The following RALYL variants were observed in gnomAD, a reference collection of about 807,000 sequenced individuals.
RALYL encodes RNA-binding Raly-like protein.
Under a neutral mutation model 35.1 loss-of-function variants are expected in RALYL, and 29 were observed. The ratio of observed to expected loss-of-function variants is 0.83; its 90% confidence interval spans 0.61 to 1.13. The LOEUF is 1.13. RALYL is among the 50% of genes most tolerant of loss of function. RALYL has a pLI of 0.00. For synonymous variants in RALYL, 120 were observed against 127.6 expected (o/e 0.94, Z 0.40); for missense variants, 359 against 360.4 (o/e 1.00, Z 0.03).
intron 1 of RALYL, among the ~76,000 whole-genome samples, chr8:84,384,509 A>G (rs938991846): frequency 6.6e-6 from 1 of 151,768 alleles, no homozygotes; most frequent in African/African-American, 2.4e-5. Flanking sequence ...TGAACTCTGG[A>G]TAAAGAATAA....
At chr8:84,888,874 C>T (rs1016675561) in intron 8 of RALYL, among the ~76,000 whole-genome samples, 1 of 152,218 alleles carries the variant, frequency 6.6e-6, no homozygotes, top group African/African-American at 2.4e-5. Flanking sequence ...CTCAGCCTCC[C>T]GAGTAGCTGG....
chr8:84,712,282 TA>T (rs2132488339), intron 2 of RALYL, among the ~76,000 whole-genome samples: 1 of 152,284 alleles, frequency 6.6e-6, no homozygotes, highest in Non-Finnish European at 1.5e-5. Flanking sequence ...AATGGGACTA[TA>T]AATGCCAGTT....
At chr8:84,803,101 G>A (rs557823137) in intron 3 of RALYL, among the ~76,000 whole-genome samples, 9 of 152,316 alleles carry the variant, frequency 5.9e-5, no homozygotes, top group East Asian at 5.8e-4. Context: ...AACATAGGAA[G>A]CTGGAGAGTA....
chr8:84,636,494 C>T (rs1031902122), intron 2 of RALYL, among the ~76,000 whole-genome samples: 2 of 151,686 alleles, frequency 1.3e-5, no homozygotes, highest in African/African-American at 2.4e-5. Flanking sequence ...AGTAGCTCTC[C>T]CCTTATTACA....
intron 2 of RALYL, among the ~76,000 whole-genome samples, chr8:84,617,785 G>T (rs1435398265): frequency 2.0e-5 from 3 of 151,508 alleles, no homozygotes; most frequent in Non-Finnish European, 4.4e-5. Flanking sequence ...CTAATTTATT[G>T]AGAGTTTTTA....
At chr8:84,862,743 G>C (rs1028374521) in intron 6 of RALYL, among the ~76,000 whole-genome samples, 2 of 152,294 alleles carry the variant, frequency 1.3e-5, no homozygotes, top group Middle Eastern at 6.8e-3. Context: ...ATATATTAAA[G>C]TACTGAAATA....
intron 1 of RALYL, among the ~76,000 whole-genome samples, chr8:84,202,087 T>C (rs1816975382): frequency 6.6e-6 from 1 of 152,132 alleles, no homozygotes; most frequent in African/African-American, 2.4e-5. Flanking sequence ...TTTCTTTTCA[T>C]TGCTATTTTG....
At chr8:84,250,017 T>C (rs1265598206) in intron 1 of RALYL, among the ~76,000 whole-genome samples, 1 of 151,966 alleles carries the variant, frequency 6.6e-6, no homozygotes, top group Non-Finnish European at 1.5e-5. Flanking sequence ...GGATTTCTAA[T>C]TTTATTCGTG....
intron 2 of RALYL, among the ~76,000 whole-genome samples, chr8:84,732,078 C>A (rs532024328): frequency 6.6e-6 from 1 of 152,152 alleles, no homozygotes; most frequent in African/African-American, 2.4e-5. Context: ...GAAAATTCCT[C>A]TTCTATAGAT....
chr8:84,788,817 G>A (rs935079218), intron 3 of RALYL, among the ~76,000 whole-genome samples: 2 of 152,106 alleles, frequency 1.3e-5, no homozygotes, highest in Admixed American at 1.3e-4. Flanking sequence ...GGGGCCAGGA[G>A]AGCAGCTGAA....
intron 1 of RALYL, among the ~76,000 whole-genome samples, chr8:84,282,054 C>A (rs140290489): frequency 0.019 from 2,886 of 152,128 alleles, 42 homozygotes; most frequent in Non-Finnish European, 0.031. Flanking sequence ...ACATGATAGT[C>A]TCTGTGGAAA....
At chr8:84,527,110 C>T (rs766234706) in intron 1 of RALYL, among the ~76,000 whole-genome samples, 2 of 152,152 alleles carry the variant, frequency 1.3e-5, no homozygotes, top group African/African-American at 2.4e-5. Context: ...ACAAAACTTA[C>T]TCTTATAAAC....
intron 1 of RALYL, among the ~76,000 whole-genome samples, chr8:84,223,965 G>A (rs1823175887): frequency 6.6e-6 from 1 of 152,090 alleles, no homozygotes; most frequent in Admixed American, 6.5e-5. Flanking sequence ...AATCCTTATG[G>A]CCAGTAGCTT....
intron 1 of RALYL, among the ~76,000 whole-genome samples, chr8:84,277,063 T>A (rs1033879076): frequency 6.6e-6 from 1 of 152,228 alleles, no homozygotes; most frequent in Non-Finnish European, 1.5e-5. Flanking sequence ...CTCTACTGTG[T>A]CTTTGCCTTA....
At chr8:84,808,174 T>C (rs1182940831) in intron 4 of RALYL, among the ~76,000 whole-genome samples, 1 of 152,234 alleles carries the variant, frequency 6.6e-6, no homozygotes, top group Non-Finnish European at 1.5e-5. Context: ...TGAGTTGATT[T>C]ATGTATAAGA....
intron 1 of RALYL, among the ~76,000 whole-genome samples, chr8:84,451,158 G>A (rs1002266867): frequency 5.9e-5 from 9 of 151,756 alleles, no homozygotes; most frequent in African/African-American, 1.9e-4. Context: ...TTTGGCCTTG[G>A]GTCAGTATCC....
chr8:84,512,001 G>C (rs147299594), intron 1 of RALYL, among the ~76,000 whole-genome samples: 2 of 152,050 alleles, frequency 1.3e-5, no homozygotes, highest in East Asian at 3.8e-4. Context: ...TGCAGTAGAC[G>C]TGGGGATACA....
intron 1 of RALYL, among the ~76,000 whole-genome samples, chr8:84,236,278 T>C (rs1826535255): frequency 6.6e-6 from 1 of 152,162 alleles, no homozygotes; most frequent in Non-Finnish European, 1.5e-5. Context: ...TAACTCAGGA[T>C]CACAAAGCAA....
intron 1 of RALYL, among the ~76,000 whole-genome samples, chr8:84,274,118 T>C (rs1234681755): frequency 6.6e-6 from 1 of 152,160 alleles, no homozygotes; most frequent in Non-Finnish European, 1.5e-5. Context: ...AGAATAACAT[T>C]TTACTTGAAT....
Sources: allele counts gnomAD v4.1 joint callset (sites outside exome capture counted in the v4.1 genomes callset), GRCh38; gene constraint gnomAD v4.1.1; transcripts MANE v1.5; gene names NCBI Gene and HGNC (gene_info 2026-07-23, HGNC 2026-07-21).